CTIF: variants seen among roughly 807,000 people sequenced by gnomAD.
CTIF encodes the protein CBP80/20-dependent translation initiation factor.
A neutral mutation model predicts 66.0 loss-of-function variants in CTIF; 21 were observed. That is an observed-to-expected ratio of 0.32 (90% confidence interval 0.23 to 0.46). The LOEUF is 0.46. CTIF is among the 20% of genes least tolerant of loss of function. The probability of loss-of-function intolerance (pLI) is 1.00; values close to 1 mark genes in which losing one functional copy is unlikely to be tolerated. For missense variants in CTIF, 739 were observed against 812.7 expected, an observed-to-expected ratio of 0.91 and a Z score of 1.10; for synonymous variants, 345 against 326.4, an observed-to-expected ratio of 1.06 and a Z score of -0.62.
chr18:48,602,842 GATGGATGA>G (rs774539992), intron 1 of CTIF, among the ~76,000 whole-genome samples: 101 of 147,114 alleles, frequency 6.9e-4, no homozygotes, highest in African/African-American at 2.2e-3. Context: ...TGGATGGATG[GATGGATGA>G]ATGGATGGAT....
chr18:48,799,578 C>T (rs1440784945), intron 9 of CTIF, among the ~76,000 whole-genome samples: 1 of 152,094 alleles, frequency 6.6e-6, no homozygotes, highest in African/African-American at 2.4e-5. Flanking sequence ...CTAGATGCCA[C>T]CCTTTCTCCT....
At chr18:48,561,306 T>C (rs557446924) in intron 1 of CTIF, among the ~76,000 whole-genome samples, 1 of 151,868 alleles carries the variant, frequency 6.6e-6, no homozygotes, top group South Asian at 2.1e-4. Flanking sequence ...TTATAGTTAG[T>C]AAATGTTTTG....
intron 1 of CTIF, among the ~76,000 whole-genome samples, chr18:48,591,778 C>T (rs533396444): frequency 2.5e-4 from 38 of 152,316 alleles, no homozygotes; most frequent in Middle Eastern, 3.4e-3. Context: ...GACAGGGTCT[C>T]GCTCTGTGGC....
chr18:48,723,130 C>G (rs1295189627), intron 7 of CTIF, among the ~76,000 whole-genome samples: 2 of 152,316 alleles, frequency 1.3e-5, no homozygotes, highest in Middle Eastern at 6.8e-3. Flanking sequence ...TGCTAACAAC[C>G]CACTGCTCTG....
At chr18:48,622,240 T>C (rs530062711) in intron 2 of CTIF, among the ~76,000 whole-genome samples, 2 of 152,060 alleles carry the variant, frequency 1.3e-5, no homozygotes, top group African/African-American at 4.8e-5. Flanking sequence ...ACCCAAAGAA[T>C]TGTAATCCTG....
At chr18:48,845,035 A>G (rs1324603265) in intron 10 of CTIF, among the ~76,000 whole-genome samples, 1 of 151,314 alleles carries the variant, frequency 6.6e-6, no homozygotes, top group Non-Finnish European at 1.5e-5. Context: ...TTCCCAGACC[A>G]TTCTAGGTGA....
At chr18:48,563,944 C>G (rs773996383) in intron 1 of CTIF, among the ~76,000 whole-genome samples, 17 of 152,190 alleles carry the variant, frequency 1.1e-4, no homozygotes, top group Non-Finnish European at 1.9e-4. Flanking sequence ...TCCCCTACCC[C>G]CTCAAAAGGC....
chr18:48,785,883 G>A (rs746742140), intron 9 of CTIF, among the ~76,000 whole-genome samples: 1 of 152,140 alleles, frequency 6.6e-6, no homozygotes, highest in Non-Finnish European at 1.5e-5. Context: ...AAAGCTTCCC[G>A]AGTGAGCCCA....
intron 10 of CTIF, among the ~76,000 whole-genome samples, chr18:48,830,557 A>T (rs975754926): frequency 4.6e-5 from 7 of 152,212 alleles, no homozygotes; most frequent in African/African-American, 1.7e-4. Flanking sequence ...AAAGACATGA[A>T]ATAAAAGGAT....
chr18:48,681,938 A>G (rs1411267134), intron 6 of CTIF, among the ~76,000 whole-genome samples: 1 of 152,094 alleles, frequency 6.6e-6, no homozygotes, highest in South Asian at 2.1e-4. Flanking sequence ...GGCGCGTGCC[A>G]CCACACCCGG....
intron 6 of CTIF, among the ~76,000 whole-genome samples, chr18:48,692,986 C>G (rs1454499198): frequency 1.3e-5 from 2 of 152,258 alleles, no homozygotes; most frequent in Non-Finnish European, 2.9e-5. Flanking sequence ...CTACAGCCCT[C>G]TCTAAGGCAG....
chr18:48,600,906 T>G (rs1599220818), intron 1 of CTIF, among the ~76,000 whole-genome samples: 1 of 152,320 alleles, frequency 6.6e-6, no homozygotes, highest in East Asian at 1.9e-4. Context: ...GGTGACATTT[T>G]ACATTGGCAT....
At chr18:48,829,744 G>A (rs1292892213) in intron 10 of CTIF, among the ~76,000 whole-genome samples, 1 of 152,232 alleles carries the variant, frequency 6.6e-6, no homozygotes, top group East Asian at 1.9e-4. Flanking sequence ...TGCACTAAGA[G>A]CCGAGGGTGA....
intron 9 of CTIF, among the ~76,000 whole-genome samples, chr18:48,780,099 C>T (rs1233164005): frequency 6.6e-6 from 1 of 152,106 alleles, no homozygotes. Context: ...GGTGATGGCA[C>T]CTTTAACTGG....
At chr18:48,757,543 G>A (rs1908507459) in intron 7 of CTIF, among the ~76,000 whole-genome samples, 1 of 152,212 alleles carries the variant, frequency 6.6e-6, no homozygotes, top group Admixed American at 6.5e-5. Flanking sequence ...TCACACACGT[G>A]GAACGGCTGC....
At chr18:48,851,935 AAAG>A (rs1160952696) in intron 10 of CTIF, among the ~76,000 whole-genome samples, 1 of 152,100 alleles carries the variant, frequency 6.6e-6, no homozygotes, top group Non-Finnish European at 1.5e-5. Context: ...TTACTATAAG[AAAG>A]AAGTTCCAGC....
chr18:48,568,661 A>AAAAAAAAAAAAAAAAAAAAAAAAAAAG, intron 1 of CTIF, among the ~76,000 whole-genome samples: 1 of 136,878 alleles, frequency 7.3e-6, no homozygotes, highest in Non-Finnish European at 1.6e-5. Context: ...AAAAAAAAAA[A>AAAAAAAAAAAAAAAAAAAAAAAAAAAG]AAAAAAAGAG....
rs1304521013 is a variant in CTIF, at chr18:48,861,080, C to G, written c.*1521C>G. The G allele has an allele frequency of 6.6e-6, 1 of 152,378 alleles. No individual in the cohort carries two copies. Among genetic ancestry groups the G allele is most frequent in the African/African-American group, 2.4e-5 (1 of 41,458 alleles). 9.4% of individuals were successfully genotyped at this position (152,378 alleles called of 1,614,324 possible). ...CTTTGGAGGCCCCTCTTGGTCCACA[C>G]TGGACTGGCCGGGAGGTGATGGGCG... On this transcript the variant is annotated 3_prime_UTR_variant, in exon 12 of 12. Coordinates refer to ENST00000256413, the MANE Select transcript of CTIF (RefSeq NM_014772.3).
chr18:48,711,047 A>T (rs2092217071), intron 6 of CTIF, among the ~76,000 whole-genome samples: 1 of 152,202 alleles, frequency 6.6e-6, no homozygotes. Context: ...AATACTCCCT[A>T]GGCAATATAG....
Sources: allele counts gnomAD v4.1 joint callset (sites outside exome capture counted in the v4.1 genomes callset), GRCh38; gene constraint gnomAD v4.1.1; transcripts MANE v1.5; gene names NCBI Gene and HGNC (gene_info 2026-07-23, HGNC 2026-07-21).